Variants in TNRC18 observed in about 807,000 individuals in gnomAD.
The protein encoded by TNRC18 is trinucleotide repeat containing 18, also known as trinucleotide repeat-containing gene 18 protein.
In TNRC18, 69 loss-of-function variants were observed where a neutral mutation model predicts 226.7. That is an observed-to-expected ratio of 0.30 (90% CI 0.25 to 0.37). TNRC18 has a LOEUF of 0.37. Ranked by LOEUF, TNRC18 falls within the 10% of genes least tolerant of loss-of-function variation. The pLI, the probability that TNRC18 is intolerant of heterozygous loss-of-function variation, is 1.00. For synonymous variants in TNRC18, 2,449 were observed against 1,927.6 expected (o/e 1.27, Z -7.09); for missense variants, 4,754 against 4,256.6 (o/e 1.12, Z -3.25).
chr7:5,416,794 C>A (rs1224851935), intron 2 of TNRC18, among the ~76,000 whole-genome samples: 1 of 151,886 alleles, frequency 6.6e-6, no homozygotes, highest in Non-Finnish European at 1.5e-5. Flanking sequence ...GAGTTCGAGA[C>A]CAGCTGGACA....
intron 3 of TNRC18, among the ~76,000 whole-genome samples, chr7:5,391,722 C>T (rs1780313343): frequency 6.6e-6 from 1 of 150,946 alleles, no homozygotes; most frequent in Admixed American, 6.6e-5. Flanking sequence ...AGAGGCCAGG[C>T]ATGGTGGCTC....
chr7:5,366,315 T>A (rs1793614082), intron 11 of TNRC18, among the ~76,000 whole-genome samples: 3 of 127,450 alleles, frequency 2.4e-5, no homozygotes, highest in South Asian at 2.8e-4. Context: ...GCTCTTCTTA[T>A]ATCTTTTTTT....
chr7:5,315,479 A>G (rs1329950157), intron 25 of TNRC18, among the ~76,000 whole-genome samples: 2 of 150,048 alleles, frequency 1.3e-5, no homozygotes, highest in African/African-American at 2.5e-5. Flanking sequence ...GATGGAGTGC[A>G]GTGGCAGGAT....
intron 16 of TNRC18, 66 bp downstream of exon 16, chr7:5,356,850 T>C: frequency 7.4e-7 from 1 of 1,355,382 alleles, no homozygotes; most frequent in Non-Finnish European, 9.6e-7. Flanking sequence ...AGGAGGACGG[T>C]GGAGAGAAGA....
At chr7:5,416,976 TGTCTCTTAAAAAAAAAATTTTTTTTTAA>T (rs57955361) in intron 2 of TNRC18, among the ~76,000 whole-genome samples, 103,336 of 150,948 alleles carry the variant, frequency 0.68, 35,762 homozygotes, top group East Asian at 0.88. Flanking sequence ...AGTAAAACCC[TGTCTCTTAAAAAAAAAATTTTTTTTTAA>T]GTAACAAAAT....
chr7:5,336,763 A>G (rs1446449540), intron 18 of TNRC18, among the ~76,000 whole-genome samples: 2 of 152,182 alleles, frequency 1.3e-5, no homozygotes, highest in Admixed American at 6.6e-5. Context: ...AGAAATTATA[A>G]AACTGAGAAG....
Position 5,312,376 on chromosome 7 carries a change from C to T in TNRC18, c.8388+127G>A, listed in dbSNP as rs1379965223. On this transcript the variant is annotated intron_variant, in intron 27 of 29. Coordinates refer to ENST00000430969, the MANE Select transcript of TNRC18 (RefSeq NM_001080495.3). The surrounding 1 kb of genome is among the most constrained non-coding windows in gnomAD (Gnocchi z 6.3). ...CAGTGTACCCATCCATAAAGTGGGA[C>T]GCCAGCCCTCCACCCTGGGGTTCTG... 12 of 1,379,698 alleles carry T rather than the reference C, an allele frequency of 8.7e-6. No homozygotes were observed. In the Admixed American group the frequency reaches 2.2e-4, roughly 26 times the overall value. 85.5% of individuals were successfully genotyped at this position (1,379,698 alleles called of 1,614,324 possible).
At chr7:5,351,686 CT>C in intron 17 of TNRC18, 132 bp downstream of exon 17, 1 of 994,848 alleles carries the variant, frequency 1.0e-6, no homozygotes, top group Non-Finnish European at 1.5e-6. Context: ...AGATGGCAGC[CT>C]TCTTGCGGCC....
chr7:5,342,575 G>C (rs993649172), intron 18 of TNRC18, among the ~76,000 whole-genome samples: 2 of 152,208 alleles, frequency 1.3e-5, no homozygotes, highest in Admixed American at 6.5e-5. Context: ...AGATGGGACT[G>C]AATTGTTGCA....
intron 17 of TNRC18, among the ~76,000 whole-genome samples, chr7:5,349,085 T>C (rs2128143144): frequency 6.6e-6 from 1 of 152,238 alleles, no homozygotes; most frequent in South Asian, 2.1e-4. Flanking sequence ...CAGCTGGGGC[T>C]GCGGGGGGAG....
chr7:5,408,061 C>T (rs926696891), intron 2 of TNRC18, among the ~76,000 whole-genome samples: 2 of 152,056 alleles, frequency 1.3e-5, no homozygotes, highest in Non-Finnish European at 2.9e-5. Context: ...CAAAAGTGGC[C>T]GGGCGCAGTA....
Position 5,360,839 on chromosome 7 carries a change from C to T in TNRC18, c.4661+755G>A, listed in dbSNP as rs78295191. Among the ~76,000 whole-genome samples, 1,136 of 152,294 alleles carry T rather than the reference C, an allele frequency of 7.5e-3. 8 individuals are homozygous for T. The highest frequency in any genetic ancestry group is 0.026 in the African/African-American group (1,093 of 41,560). ...TGGGGCTGTTTTATCCTGAGAAGAA[C>T]TGTGGCCTTCCCACTGCCTCTCCTG... On this transcript the variant is annotated intron_variant, in intron 14 of 29. Coordinates refer to ENST00000430969, the MANE Select transcript of TNRC18 (RefSeq NM_001080495.3).
chr7:5,343,716 C>T (rs547306556), intron 18 of TNRC18, among the ~76,000 whole-genome samples: 66 of 152,316 alleles, frequency 4.3e-4, no homozygotes, highest in Non-Finnish European at 7.3e-4. Context: ...TGTGAGCCAC[C>T]GTGCATGGCC....
At position 5,321,303 on chromosome 7, in the gene TNRC18, G is replaced by A. The variant is rs1299439368; in HGVS notation, c.6443-113C>T. The A allele has an allele frequency of 6.3e-5, 45 of 712,410 alleles. No homozygotes were observed. The East Asian group carries it at 1.2e-3, about 20-fold the overall frequency. The allele number at this position is 712,410 out of a possible 1,614,324, so 44.1% of individuals were successfully genotyped here. On this transcript the variant is annotated intron_variant, in intron 21 of 29. Coordinates refer to ENST00000430969, the MANE Select transcript of TNRC18 (RefSeq NM_001080495.3). ...TGGAATGGAGGCCCTGGTACCGGGT[G>A]GGCCTGTGGGGCTGAGACGTGTGCA... is the stretch of plus-strand genomic sequence containing the variant.
rs768778416 is a variant in TNRC18 at position 5,376,232 on chromosome 7, G to A, written c.2609-8C>T. The A allele has an allele frequency of 1.8e-5, 27 of 1,483,232 alleles. No individual in the cohort carries two copies. Among genetic ancestry groups the A allele is most frequent in the Non-Finnish European group, 2.4e-5 (27 of 1,121,786 alleles). The allele number at this position is 1,483,232 out of a possible 1,614,324, so 91.9% of individuals were successfully genotyped here. ...CCCGCTCCATCAGCTCCGCTGCAGG[G>A]ACAGAGACAGTGCGCTGCACCTGCG... On this transcript the variant is annotated splice_polypyrimidine_tract_variant and splice_region_variant and intron_variant, in intron 8 of 29. Coordinates refer to ENST00000430969, the MANE Select transcript of TNRC18 (RefSeq NM_001080495.3).
At chr7:5,351,345 TACAAAC>T (rs1791786747) in intron 17 of TNRC18, among the ~76,000 whole-genome samples, 1 of 152,018 alleles carries the variant, frequency 6.6e-6, no homozygotes, top group Non-Finnish European at 1.5e-5. Context: ...AAAATCGCGG[TACAAAC>T]ATCAAGTCAC....
rs1786740310 is a variant in TNRC18, at chr7:5,308,065, G to A, written c.*41C>T. The A allele has an allele frequency of 1.3e-6, 2 of 1,525,628 alleles. No individual in the cohort carries two copies. The highest frequency in any genetic ancestry group is 1.4e-5 in the African/African-American group (1 of 72,494). The allele number at this position is 1,525,628 out of a possible 1,614,324, so 94.5% of individuals were successfully genotyped here. On this transcript the variant is annotated 3_prime_UTR_variant, in exon 30 of 30. Transcript: ENST00000430969. ...TGGCAGTGATGGAGATGGGTCCCTGGCCGCCCTCGGGGCACAGGTGGCCCG... is the reference window on the plus strand; with the variant it reads ...TGGCAGTGATGGAGATGGGTCCCTGACCGCCCTCGGGGCACAGGTGGCCCG...
intron 9 of TNRC18, among the ~76,000 whole-genome samples, chr7:5,375,674 G>A (rs1562574360): frequency 6.6e-6 from 1 of 152,138 alleles, no homozygotes; most frequent in African/African-American, 2.4e-5. Context: ...CACCTGGAGA[G>A]AAGAGGCCAG....
chr7:5,307,164 TAATCTAAC>T lies in TNRC18; in HGVS notation c.*934_*941del, dbSNP rs1786613247. The T allele has an allele frequency of 6.0e-5, 9 of 150,834 alleles. No individual in the cohort carries two copies. Among genetic ancestry groups the T allele is most frequent in the Admixed American group, 5.9e-4 (9 of 15,144 alleles). The allele number at this position is 150,834 out of a possible 1,614,324, so 9.3% of individuals were successfully genotyped here. ...CCGGTGAAGCCGGTGCTAGACACTATAATCTAACAGGAAATAAAAAATAATATTCTGCA... is the reference window on the plus strand; with the variant it reads ...CCGGTGAAGCCGGTGCTAGACACTATAGGAAATAAAAAATAATATTCTGCA... On this transcript the variant is annotated 3_prime_UTR_variant, in exon 30 of 30. Transcript: ENST00000430969.
Sources: allele counts gnomAD v4.1 joint callset (sites outside exome capture counted in the v4.1 genomes callset), GRCh38; gene constraint gnomAD v4.1.1; non-coding constraint Gnocchi (gnomAD v3.1); transcripts MANE v1.5; gene names NCBI Gene and HGNC (gene_info 2026-07-23, HGNC 2026-07-21).